The following BACH1 variants were observed in gnomAD, a reference collection of about 807,000 sequenced individuals.
BACH1 encodes transcription regulator protein BACH1.
Under a neutral mutation model 52.9 loss-of-function variants are expected in BACH1, and 35 were observed. The observed-to-expected ratio is 0.66, with a 90% CI of 0.51 to 0.88. The LOEUF is 0.88. Among genes scored for constraint, BACH1 ranks in the 40% least tolerant of loss-of-function variants. The pLI is 0.00. For missense variants in BACH1, 808 were observed against 872.6 expected (o/e 0.93, Z 0.93); for synonymous variants, 321 against 319.6 (o/e 1.00, Z -0.05).
intron 2 of BACH1, chr21:29,352,496 A>C (rs575961919): frequency 1.3e-5 from 2 of 152,190 alleles, no homozygotes; most frequent in East Asian, 3.9e-4. Flanking sequence ...AGTAAGACTG[A>C]CTCAAACTTC....
intron 4 of BACH1, among the ~76,000 whole-genome samples, chr21:29,337,611 TTCC>T (rs546079141): frequency 1.1e-3 from 170 of 152,354 alleles, no homozygotes; most frequent in African/African-American, 4.0e-3. Context: ...ACCAGTTTTT[TTCC>T]TCATCAACTT....
At position 29,346,072 on chromosome 21, in the gene BACH1, A is replaced by C. The variant is rs1037437080; in HGVS notation, c.*3239A>C. Reference sequence around the variant, plus strand: ...CTCCCTAATGTTCTTACCCAAATGTACCTGAACTAAAAAATGTTAGATGTT... The same window carrying C: ...CTCCCTAATGTTCTTACCCAAATGTCCCTGAACTAAAAAATGTTAGATGTT... On this transcript the variant is annotated 3_prime_UTR_variant, in exon 5 of 5. Transcript: ENST00000286800. The C allele has an allele frequency of 2.0e-5, 3 of 152,604 alleles. No individual in the cohort carries two copies. The highest frequency in any genetic ancestry group is 4.4e-5 in the Non-Finnish European group (3 of 68,044). 9.5% of individuals were successfully genotyped at this position (152,604 alleles called of 1,614,324 possible). A position where few individuals can be genotyped will look rare whatever the true frequency, so the allele number is the denominator to read the frequency against.
chr21:29,309,415 T>C (rs1569007931), intron 1 of BACH1, among the ~76,000 whole-genome samples: 1 of 152,186 alleles, frequency 6.6e-6, no homozygotes, highest in Admixed American at 6.5e-5. Flanking sequence ...CTTCCATCCC[T>C]CCTCAGTTTT....
At chr21:29,310,216 C>T (rs1431327806) in intron 1 of BACH1, among the ~76,000 whole-genome samples, 1 of 152,186 alleles carries the variant, frequency 6.6e-6, no homozygotes, top group Non-Finnish European at 1.5e-5. Context: ...TGGGAGATTT[C>T]ACGACAATCA....
intron 2 of BACH1, chr21:29,351,587 C>T (rs1301259501): frequency 1.9e-6 from 1 of 533,980 alleles, no homozygotes; most frequent in Non-Finnish European, 3.9e-6. Context: ...TTTAGAAGAC[C>T]TCATCTATTA....
intron 1 of BACH1, among the ~76,000 whole-genome samples, chr21:29,320,379 C>G (rs2030380843): frequency 6.6e-6 from 1 of 152,068 alleles, no homozygotes; most frequent in African/African-American, 2.4e-5. Flanking sequence ...TAGCACATGT[C>G]TGAAAAATAT....
chr21:29,355,308 CGCTGATTGGTGCGTTTTTACAGAGT>C (rs1418123495), intron 2 of BACH1, among the ~76,000 whole-genome samples: 19 of 146,074 alleles, frequency 1.3e-4, no homozygotes, highest in African/African-American at 4.8e-4. Flanking sequence ...AGACACAGAG[CGCTGATTGGTGCGTTTTTACAGAGT>C]GCTGATTGGT....
At chr21:29,324,269 A>G (rs1250484495) in intron 2 of BACH1, among the ~76,000 whole-genome samples, 1 of 150,198 alleles carries the variant, frequency 6.7e-6, no homozygotes, top group East Asian at 1.9e-4. Context: ...GAACTTGCCA[A>G]CACAAAGATC....
chr21:29,342,215 C>T (rs2089121671), intron 4 of BACH1, among the ~76,000 whole-genome samples, 184 bp from the exon 5 acceptor site: 1 of 152,098 alleles, frequency 6.6e-6, no homozygotes, highest in African/African-American at 2.4e-5. Flanking sequence ...ATACATCTGC[C>T]CCAAGAGTTT....
intron 1 of BACH1, among the ~76,000 whole-genome samples, chr21:29,308,489 T>A (rs2123411352): frequency 6.6e-6 from 1 of 152,334 alleles, no homozygotes; most frequent in East Asian, 1.9e-4. Flanking sequence ...TTTTTTATAC[T>A]CTTAAGCACC....
At chr21:29,332,677 G>A (rs919001366) in intron 4 of BACH1, among the ~76,000 whole-genome samples, 3 of 152,204 alleles carry the variant, frequency 2.0e-5, no homozygotes, top group Non-Finnish European at 2.9e-5. Context: ...GTGTCACTAA[G>A]TGCACATGGG....
downstream of BACH1, among the ~76,000 whole-genome samples, chr21:29,348,708 A>G (rs2089185153): frequency 6.6e-6 from 1 of 152,158 alleles, no homozygotes; most frequent in African/African-American, 2.4e-5. Flanking sequence ...GCTCTGAGCC[A>G]ACATCCCTGT....
chr21:29,320,719 A>T (rs1041899247), intron 1 of BACH1, among the ~76,000 whole-genome samples: 1 of 152,208 alleles, frequency 6.6e-6, no homozygotes, highest in African/African-American at 2.4e-5. Context: ...CACTAAATTC[A>T]CTTGCCATCT....
At chr21:29,323,778 G>T (rs1393212881) in intron 2 of BACH1, among the ~76,000 whole-genome samples, 1 of 152,142 alleles carries the variant, frequency 6.6e-6, no homozygotes, top group African/African-American at 2.4e-5. Flanking sequence ...TTTTCACTTT[G>T]TCCAGTGTCC....
At chr21:29,321,176 T>A in intron 1 of BACH1, 45 bp from the exon 2 acceptor site, 1 of 1,007,676 alleles carries the variant, frequency 9.9e-7, no homozygotes, top group Non-Finnish European at 1.5e-6. Flanking sequence ...CTGTCATTTT[T>A]TAACAAGATG....
intron 1 of BACH1, among the ~76,000 whole-genome samples, chr21:29,303,971 C>T (rs563696077): frequency 1.7e-4 from 26 of 152,208 alleles, no homozygotes; most frequent in African/African-American, 3.6e-4. Flanking sequence ...CTTCTCAGTA[C>T]GGGCACAATT....
downstream of BACH1, among the ~76,000 whole-genome samples, chr21:29,347,027 C>T (rs577718160): frequency 4.6e-5 from 7 of 152,172 alleles, no homozygotes; most frequent in East Asian, 3.9e-4. Flanking sequence ...CTTAAGTTAT[C>T]GAAGGTCTGA....
At chr21:29,337,154 A>G (rs1314662157) in intron 4 of BACH1, among the ~76,000 whole-genome samples, 3 of 152,206 alleles carry the variant, frequency 2.0e-5, no homozygotes, top group South Asian at 2.1e-4. Flanking sequence ...TGACATAACC[A>G]TCTAGCACTT....
At chr21:29,329,090 C>T (rs1569017119) in intron 3 of BACH1, among the ~76,000 whole-genome samples, 3 of 152,084 alleles carry the variant, frequency 2.0e-5, no homozygotes, top group Non-Finnish European at 4.4e-5. Context: ...GGTAGATTGC[C>T]TGAGCCCAGG....
Sources: gnomAD v4.1 joint callset for allele counts (sites outside exome capture counted in the v4.1 genomes callset) on GRCh38, gnomAD v4.1.1 for gene constraint, MANE v1.5 for transcripts, NCBI Gene and HGNC (gene_info 2026-07-23, HGNC 2026-07-21) for gene names.